SHB: variants seen among roughly 807,000 people sequenced by gnomAD.
SHB encodes SH2 domain containing adaptor protein B, also known as SH2 domain-containing adapter protein B.
In SHB, 20 loss-of-function variants were observed where a neutral mutation model predicts 52.3. That is an observed-to-expected ratio of 0.38 (90% CI 0.27 to 0.56). The LOEUF is 0.56. SHB is among the 20% of genes least tolerant of loss of function. SHB has a pLI of 0.71. For synonymous variants in SHB, 397 were observed against 316.5 expected (o/e 1.25, Z -2.70); for missense variants, 825 against 723.3 (o/e 1.14, Z -1.61).
chr9:37,955,805 AAAG>A (rs1426046883), intron 4 of SHB, 75 bp downstream of exon 4: 10 of 1,419,042 alleles, frequency 7.0e-6, no homozygotes, highest in Admixed American at 2.0e-5. Context: ...TGGATTTTTA[AAAG>A]AAGATGACAT....
At chr9:38,027,686 A>G (rs1316062401) in intron 1 of SHB, among the ~76,000 whole-genome samples, 1 of 151,458 alleles carries the variant, frequency 6.6e-6, no homozygotes, top group African/African-American at 2.4e-5. Flanking sequence ...CCCACCCCTC[A>G]GAATTACCTT....
In SHB at chr9:38,068,140, C is replaced by T; in HGVS notation, c.506G>A (p.Arg169Gln). 1 of 1,438,348 alleles carries T rather than the reference C, an allele frequency of 7.0e-7. No individual in the cohort carries two copies. The highest frequency in any genetic ancestry group is 9.0e-7 in the Non-Finnish European group (1 of 1,108,158). The allele number at this position is 1,438,348 out of a possible 1,614,324, so 89.1% of individuals were successfully genotyped here. Residue 169 changes from arginine to glutamine, a missense_variant, in exon 1 of 6, where the codon CGG becomes CAG. Transcript: ENST00000377707. ...GCGCACCTCGGCCGGCGTGGCGGGC[C>T]GCCGCTCGCTGCTGCTGCGGTAGAG... ...PHLYRSSSER[R>Q]PATPAEVRYI...
intron 1 of SHB, among the ~76,000 whole-genome samples, chr9:38,027,725 C>T (rs1413939920): frequency 6.6e-6 from 1 of 151,770 alleles, no homozygotes; most frequent in African/African-American, 2.4e-5. Context: ...GGGGGTCAGG[C>T]ACCAACTCCT....
Position 37,956,018 on chromosome 9 carries a change from G to A in SHB, c.1091C>T (p.Pro364Leu), listed in dbSNP as rs763093412. ...FNGNEKRQSS[P>L]SPSRDRRRQL... ...GCGCCGCCGGTCCCGCGAAGGTGAG[G>A]GGGATGACTGCCGCTTCTCGTTGCC... Residue 364 changes from proline (P) to leucine (L), a missense_variant, in exon 4 of 6, where the codon CCC becomes CTC. Coordinates refer to ENST00000377707, the MANE Select transcript of SHB (RefSeq NM_003028.3). The A allele has an allele frequency of 1.3e-6, 2 of 1,581,060 alleles. No individual in the cohort carries two copies. The highest frequency in any genetic ancestry group is 1.7e-6 in the Non-Finnish European group (2 of 1,163,760).
At chr9:37,982,902 G>A (rs1006247193) in intron 2 of SHB, among the ~76,000 whole-genome samples, 1 of 151,838 alleles carries the variant, frequency 6.6e-6, no homozygotes, top group African/African-American at 2.4e-5. Context: ...TTCTCTTCAG[G>A]AATAGAAAAA....
intron 1 of SHB, among the ~76,000 whole-genome samples, chr9:38,064,186 G>A (rs1448298911): frequency 1.3e-5 from 2 of 150,908 alleles, no homozygotes; most frequent in Non-Finnish European, 2.9e-5. Context: ...GGACCTCACC[G>A]TCTCTCACCA....
chr9:37,933,408 C>T (rs1190734540), intron 5 of SHB, among the ~76,000 whole-genome samples: 1 of 152,156 alleles, frequency 6.6e-6, no homozygotes, highest in Non-Finnish European at 1.5e-5. Flanking sequence ...GATGCTCATA[C>T]CACATGGGAA....
chr9:37,920,757 G>A (rs904357747), intron 5 of SHB, among the ~76,000 whole-genome samples: 9 of 152,156 alleles, frequency 5.9e-5, no homozygotes, highest in African/African-American at 1.9e-4. Context: ...CTGAGGACAC[G>A]CATGCCTTCC....
chr9:38,027,047 AC>A (rs1054585170), intron 1 of SHB, among the ~76,000 whole-genome samples: 20 of 152,130 alleles, frequency 1.3e-4, no homozygotes, highest in African/African-American at 4.8e-4. Context: ...GGCCCTTCCC[AC>A]CCTGCCCTGA....
At chr9:37,955,622 T>G (rs1587210622) in intron 4 of SHB, among the ~76,000 whole-genome samples, 1 of 151,690 alleles carries the variant, frequency 6.6e-6, no homozygotes, top group East Asian at 1.9e-4. Context: ...GAACTACAGG[T>G]GCATGCCATC....
intron 5 of SHB, among the ~76,000 whole-genome samples, chr9:37,942,867 A>AT (rs1224580308): frequency 3.3e-5 from 5 of 151,884 alleles, no homozygotes. Context: ...GGTCTGTGCC[A>AT]GTTCACGTGG....
intron 2 of SHB, among the ~76,000 whole-genome samples, chr9:38,013,637 C>A (rs564616960): frequency 6.6e-6 from 1 of 152,214 alleles, no homozygotes; most frequent in Non-Finnish European, 1.5e-5. Flanking sequence ...TAATTTCTAG[C>A]CAGGTGAACA....
chr9:37,939,160 G>C (rs1176326351), intron 5 of SHB, among the ~76,000 whole-genome samples: 1 of 152,166 alleles, frequency 6.6e-6, no homozygotes, highest in Admixed American at 6.5e-5. Context: ...AGGTATGTAG[G>C]CCGCCTGCCA....
rs369459149 is a variant in SHB, at chr9:37,983,270, G to A, written c.839-8433C>T. 1.9e-4 allele frequency among the ~76,000 whole-genome samples: 29 copies of A among 152,340 alleles called. No individual in the cohort carries two copies. The East Asian group carries it at 3.5e-3, about 18-fold the overall frequency. ...GGAGGTCATAGCACAGTGATGTGGC[G>A]GCGAAAATGGGTACCAGAGGAAGAA... On this transcript the variant is annotated intron_variant, in intron 2 of 5. Coordinates refer to ENST00000377707, the MANE Select transcript of SHB (RefSeq NM_003028.3).
At chr9:38,038,524 C>T (rs1821519867) in intron 1 of SHB, among the ~76,000 whole-genome samples, 3 of 152,202 alleles carry the variant, frequency 2.0e-5, no homozygotes. Flanking sequence ...GGGCCTGGCA[C>T]ACAGTAAGGT....
At position 37,965,218 on chromosome 9, in the gene SHB, G is replaced by A. The variant is rs192321946; in HGVS notation, c.1055-9164C>T. Among the ~76,000 whole-genome samples the A allele has an allele frequency of 5.6e-4, 86 of 152,318 alleles. 1 individual carries two copies. Among genetic ancestry groups the A allele is most frequent in the African/African-American group, 1.9e-3 (81 of 41,576 alleles). ...GAGAGATGGGGAGTGGAGGTCGGGG[G>A]GACAAGCCAGGTACTGGCCACAAAT... On this transcript the variant is annotated intron_variant, in intron 3 of 5. Transcript: ENST00000377707.
At chr9:37,953,503 G>A (rs1339365310) in intron 4 of SHB, among the ~76,000 whole-genome samples, 2 of 152,050 alleles carry the variant, frequency 1.3e-5, no homozygotes, top group Non-Finnish European at 2.9e-5. Flanking sequence ...GAAGGAAGAG[G>A]GGTGCAGGTG....
intron 4 of SHB, 112 bp from the exon 5 acceptor site, chr9:37,948,866 G>A (rs1661219837): frequency 7.2e-7 from 1 of 1,397,742 alleles, no homozygotes; most frequent in East Asian, 2.4e-5. Context: ...AAGCAGGCAT[G>A]CACTGGTTCA....
At chr9:38,044,903 G>A (rs944479095) in intron 1 of SHB, among the ~76,000 whole-genome samples, 3 of 152,226 alleles carry the variant, frequency 2.0e-5, no homozygotes, top group African/African-American at 7.2e-5. Flanking sequence ...TTCCGCCAGA[G>A]GTGTGGACAT....
Sources: allele counts gnomAD v4.1 joint callset (sites outside exome capture counted in the v4.1 genomes callset), GRCh38; gene constraint gnomAD v4.1.1; transcripts MANE v1.5; gene names NCBI Gene and HGNC (gene_info 2026-07-23, HGNC 2026-07-21).